The following HNRNPC variants were observed in gnomAD, a reference collection of about 807,000 sequenced individuals.
HNRNPC encodes heterogeneous nuclear ribonucleoproteins C1/C2.
Under a neutral mutation model 33.2 loss-of-function variants are expected in HNRNPC, and 3 were observed. The observed-to-expected ratio is 0.09, with a 90% CI of 0.04 to 0.23. The LOEUF (loss-of-function observed/expected upper bound fraction) is 0.23. Ranked by LOEUF, HNRNPC falls within the 10% of genes least tolerant of loss-of-function variation. The pLI is 1.00. For missense variants in HNRNPC, 143 were observed against 366.7 expected (o/e 0.39, Z 4.98); for synonymous variants, 121 against 126.7 (o/e 0.96, Z 0.30).
chr14:21,238,944 T>C (rs1895034511), intron 2 of HNRNPC, among the ~76,000 whole-genome samples: 1 of 152,080 alleles, frequency 6.6e-6, no homozygotes. Context: ...CTGGCCAACA[T>C]GGTGAAACCC....
intron 6 of HNRNPC, among the ~76,000 whole-genome samples, chr14:21,212,541 T>C (rs151328216): frequency 1.6e-3 from 247 of 152,162 alleles, no homozygotes; most frequent in African/African-American, 5.8e-3. Context: ...CTCTGTTATT[T>C]TGGATTTTTT....
intron 3 of HNRNPC, chr14:21,231,430 C>A: frequency 4.3e-6 from 2 of 460,350 alleles, no homozygotes; most frequent in South Asian, 3.1e-5. Flanking sequence ...AATAATGGCT[C>A]AATACAGCCT....
intron 2 of HNRNPC, among the ~76,000 whole-genome samples, chr14:21,253,214 C>A (rs900595429): frequency 6.8e-6 from 1 of 147,618 alleles, no homozygotes; most frequent in African/African-American, 2.5e-5. Context: ...CGGTGGCTCA[C>A]GCCTGTAATC....
chr14:21,213,120 AT>A lies in HNRNPC; in HGVS notation c.366-4del. ...CACGTGCTGGGTAACTGTACATCCT[AT>A]TGGATAAGAGGAAAATGGAATTCAT... On this transcript the variant is annotated splice_region_variant and splice_polypyrimidine_tract_variant and intron_variant, in intron 5 of 8. Coordinates refer to ENST00000553300, the MANE Select transcript of HNRNPC (RefSeq NM_004500.4). 6.2e-7 allele frequency: 1 copy of A among 1,613,598 alleles called. No individual in the cohort carries two copies. The highest frequency in any genetic ancestry group is 8.5e-7 in the Non-Finnish European group (1 of 1,179,664).
Position 21,213,122 on chromosome 14 carries a change from T to A in HNRNPC, c.366-5A>T, listed in dbSNP as rs1017877175. On this transcript the variant is annotated splice_region_variant and splice_polypyrimidine_tract_variant and intron_variant, in intron 5 of 8. Coordinates refer to ENST00000553300, the MANE Select transcript of HNRNPC (RefSeq NM_004500.4). ...CGTGCTGGGTAACTGTACATCCTAT[T>A]GGATAAGAGGAAAATGGAATTCATT... 9 of 1,612,780 alleles carry A rather than the reference T, an allele frequency of 5.6e-6. No homozygotes were observed. The Middle Eastern group carries it at 6.6e-4, about 118-fold the overall frequency.
chr14:21,226,316 C>T (rs560531228), intron 5 of HNRNPC, among the ~76,000 whole-genome samples: 5 of 136,328 alleles, frequency 3.7e-5, no homozygotes, highest in East Asian at 4.3e-4. Context: ...GCACGAGACT[C>T]GTTTCCAAAA....
chr14:21,213,340 T>C (rs1277636930), intron 5 of HNRNPC: 6 of 496,802 alleles, frequency 1.2e-5, no homozygotes, highest in Admixed American at 3.6e-5. Flanking sequence ...GTAGCAACTT[T>C]TCCTCAGGAA....
At chr14:21,224,042 A>C (rs918045765) in intron 5 of HNRNPC, among the ~76,000 whole-genome samples, 4 of 152,132 alleles carry the variant, frequency 2.6e-5, no homozygotes, top group African/African-American at 7.2e-5. Flanking sequence ...CCAGTTTTCA[A>C]ACTTCAAATA....
intron 5 of HNRNPC, among the ~76,000 whole-genome samples, chr14:21,219,108 C>CAAAAA (rs555837563): frequency 0.073 from 7,022 of 96,058 alleles, 206 homozygotes; most frequent in Non-Finnish European, 0.081. Context: ...GACTCTTTCT[C>CAAAAA]AAAAAAAAAA....
chr14:21,224,040 C>A (rs1234084380), intron 5 of HNRNPC, among the ~76,000 whole-genome samples: 2 of 152,236 alleles, frequency 1.3e-5, no homozygotes, highest in Admixed American at 1.3e-4. Flanking sequence ...CCCCAGTTTT[C>A]AAACTTCAAA....
At chr14:21,269,102 G>C (rs947539516) in intron 1 of HNRNPC, among the ~76,000 whole-genome samples, 196 bp downstream of exon 1, 1 of 152,080 alleles carries the variant, frequency 6.6e-6, no homozygotes, top group Non-Finnish European at 1.5e-5. Flanking sequence ...TCGTGGCCTA[G>C]AGGACACCAG....
At chr14:21,267,056 A>T (rs941330487) in intron 1 of HNRNPC, among the ~76,000 whole-genome samples, 2 of 145,558 alleles carry the variant, frequency 1.4e-5, no homozygotes, top group Non-Finnish European at 3.0e-5. Context: ...GTGCCACGAC[A>T]TGCACTCCAG....
At chr14:21,218,739 T>A (rs2139512517) in intron 5 of HNRNPC, among the ~76,000 whole-genome samples, 1 of 135,262 alleles carries the variant, frequency 7.4e-6, no homozygotes, top group Non-Finnish European at 1.5e-5. Context: ...GTGGCTCTCA[T>A]GTGTAATCCC....
chr14:21,253,878 A>C (rs1896940278), intron 2 of HNRNPC, among the ~76,000 whole-genome samples: 1 of 151,966 alleles, frequency 6.6e-6, no homozygotes, highest in South Asian at 2.1e-4. Flanking sequence ...ATCCTGGCTA[A>C]CACGGTGAAT....
At chr14:21,218,143 A>G (rs1460501860) in intron 5 of HNRNPC, among the ~76,000 whole-genome samples, 1 of 152,162 alleles carries the variant, frequency 6.6e-6, no homozygotes, top group Non-Finnish European at 1.5e-5. Flanking sequence ...TTGTAATTTT[A>G]GTAGAGATGG....
chr14:21,258,043 A>C (rs1188739175), intron 2 of HNRNPC, among the ~76,000 whole-genome samples: 1 of 152,214 alleles, frequency 6.6e-6, no homozygotes, highest in Non-Finnish European at 1.5e-5. Flanking sequence ...TTAAAATTTT[A>C]ATAATAAAAG....
chr14:21,222,885 C>T (rs1239086165), intron 5 of HNRNPC, among the ~76,000 whole-genome samples: 1 of 151,564 alleles, frequency 6.6e-6, no homozygotes, highest in Non-Finnish European at 1.5e-5. Context: ...CAGAGGGAGA[C>T]TCCGTCTCAA....
intron 5 of HNRNPC, among the ~76,000 whole-genome samples, chr14:21,221,105 C>CA (rs1474926662): frequency 1.3e-5 from 2 of 152,140 alleles, no homozygotes; most frequent in African/African-American, 2.4e-5. Flanking sequence ...AAAAAACATG[C>CA]AAAAAACACA....
chr14:21,258,986 T>A (rs1566645150), intron 2 of HNRNPC, among the ~76,000 whole-genome samples: 2 of 152,144 alleles, frequency 1.3e-5, no homozygotes, highest in Non-Finnish European at 1.5e-5. Flanking sequence ...AAACCAGACC[T>A]CTTCTTCAAA....
Sources: allele counts gnomAD v4.1 joint callset (sites outside exome capture counted in the v4.1 genomes callset), GRCh38; gene constraint gnomAD v4.1.1; transcripts MANE v1.5; gene names NCBI Gene and HGNC (gene_info 2026-07-23, HGNC 2026-07-21).